MGMT: variants seen among roughly 807,000 people sequenced by gnomAD.
MGMT encodes the protein methylated-DNA--protein-cysteine methyltransferase.
A neutral mutation model predicts 15.9 loss-of-function variants in MGMT; 14 were observed. The ratio of observed to expected loss-of-function variants is 0.88; its 90% CI spans 0.58 to 1.37. The LOEUF is 1.37. MGMT is among the 40% of genes most tolerant of loss of function. The pLI is 0.00. For synonymous variants in MGMT, 130 were observed against 118.2 expected, an observed-to-expected ratio of 1.10 and a Z score of -0.65; for missense variants, 282 against 268.1, an observed-to-expected ratio of 1.05 and a Z score of -0.36.
intron 2 of MGMT, among the ~76,000 whole-genome samples, chr10:129,588,070 T>G (rs896868002): frequency 4.6e-5 from 7 of 152,194 alleles, no homozygotes; most frequent in African/African-American, 1.7e-4. Context: ...GTATTTAGTT[T>G]CAGGCTAATT....
At chr10:129,694,578 T>C (rs985443404) in intron 2 of MGMT, among the ~76,000 whole-genome samples, 1 of 152,184 alleles carries the variant, frequency 6.6e-6, no homozygotes, top group African/African-American at 2.4e-5. Flanking sequence ...AGCTAAAATG[T>C]TTTCTCCCCC....
intron 3 of MGMT, among the ~76,000 whole-genome samples, chr10:129,724,696 A>G (rs908737900): frequency 2.6e-5 from 4 of 152,188 alleles, no homozygotes; most frequent in Non-Finnish European, 4.4e-5. Context: ...GGAGAGATGG[A>G]TAGATATATG....
At chr10:129,601,480 C>T (rs1477147451) in intron 2 of MGMT, among the ~76,000 whole-genome samples, 1 of 152,152 alleles carries the variant, frequency 6.6e-6, no homozygotes, top group Non-Finnish European at 1.5e-5. Flanking sequence ...AGGAGGGTGT[C>T]CAGCCTTCCT....
chr10:129,502,397 T>TA (rs1845583285), intron 1 of MGMT, among the ~76,000 whole-genome samples: 1 of 152,180 alleles, frequency 6.6e-6, no homozygotes, highest in Non-Finnish European at 1.5e-5. Flanking sequence ...GTTGCGTTCC[T>TA]ACCCAGCTAG....
intron 1 of MGMT, among the ~76,000 whole-genome samples, chr10:129,470,171 T>C (rs1845214745): frequency 6.6e-6 from 1 of 152,088 alleles, no homozygotes; most frequent in African/African-American, 2.4e-5. Flanking sequence ...AGGATTTATA[T>C]GGGAGGGAGG....
intron 3 of MGMT, among the ~76,000 whole-genome samples, chr10:129,729,729 G>C (rs1344457135): frequency 6.6e-6 from 1 of 152,212 alleles, no homozygotes; most frequent in Non-Finnish European, 1.5e-5. Context: ...CCGTGGTAAA[G>C]AATAATTCAT....
chr10:129,681,621 G>A (rs374538440), intron 2 of MGMT, among the ~76,000 whole-genome samples: 4 of 152,194 alleles, frequency 2.6e-5, no homozygotes, highest in East Asian at 1.9e-4. Flanking sequence ...TGAACTCTGT[G>A]GGTCCACTTA....
intron 2 of MGMT, among the ~76,000 whole-genome samples, chr10:129,605,795 C>T (rs922440033): frequency 4.6e-5 from 7 of 152,006 alleles, no homozygotes; most frequent in Admixed American, 2.0e-4. Flanking sequence ...CGGGTTAATT[C>T]GGAATGTGTT....
intron 3 of MGMT, among the ~76,000 whole-genome samples, chr10:129,728,331 G>A (rs1015623252): frequency 2.0e-5 from 3 of 152,096 alleles, no homozygotes; most frequent in Non-Finnish European, 4.4e-5. Context: ...ACAAGTGGGT[G>A]AGAAAAAGGC....
rs755094789 is a variant in MGMT at position 129,766,838 on chromosome 10, G to A, written c.465G>A (p.Val155=). The A allele has an allele frequency of 3.1e-6, 5 of 1,613,658 alleles. No individual in the cohort carries two copies. In the Admixed American group the frequency reaches 8.3e-5, roughly 27 times the overall value. Residue 155 remains valine, a synonymous_variant, in exon 5 of 5, where the codon GTG becomes GTA. Coordinates refer to ENST00000651593, the MANE Select transcript of MGMT (RefSeq NM_002412.5). ...GAGTGGTCTGCAGCAGCGGAGCCGTGGGCAACTACTCCGGAGGACTGGCCG... is the reference window on the plus strand; with the variant it reads ...GAGTGGTCTGCAGCAGCGGAGCCGTAGGCAACTACTCCGGAGGACTGGCCG... ...CHRVVCSSGA[V]GNYSGGLAVK...
At chr10:129,578,765 A>G (rs1846518393) in intron 2 of MGMT, among the ~76,000 whole-genome samples, 1 of 152,222 alleles carries the variant, frequency 6.6e-6, no homozygotes, top group Non-Finnish European at 1.5e-5. Context: ...TTATTAAGCA[A>G]CTAAAACATT....
At chr10:129,555,862 G>T (rs566622776) in intron 2 of MGMT, among the ~76,000 whole-genome samples, 6 of 152,184 alleles carry the variant, frequency 3.9e-5, no homozygotes, top group Non-Finnish European at 8.8e-5. Context: ...CGGCAACTCC[G>T]TCAGAGTCCT....
intron 1 of MGMT, among the ~76,000 whole-genome samples, chr10:129,521,092 C>G (rs531726584): frequency 6.6e-6 from 1 of 152,306 alleles, no homozygotes; most frequent in South Asian, 2.1e-4. Flanking sequence ...GGGCATGGCC[C>G]TCCTGGAAGC....
intron 2 of MGMT, among the ~76,000 whole-genome samples, chr10:129,540,101 G>A (rs1418194861): frequency 1.3e-5 from 2 of 152,174 alleles, no homozygotes; most frequent in Admixed American, 1.3e-4. Flanking sequence ...TTTCAGCCTG[G>A]AGGCTTTGCT....
intron 1 of MGMT, among the ~76,000 whole-genome samples, chr10:129,498,063 C>T (rs754727990): frequency 6.6e-6 from 1 of 152,166 alleles, no homozygotes; most frequent in South Asian, 2.1e-4. Flanking sequence ...TGGACCCTTT[C>T]GAAGAATACT....
rs373298935 is a variant in MGMT, at chr10:129,488,004, T to TACACACACACAC, written c.-13+20734_-13+20745dup. Reference sequence around the variant, plus strand: ...ATACACACACACACACACATAGGTATACACACACACACACACACACACACA... The same window carrying TACACACACACAC: ...ATACACACACACACACACATAGGTATACACACACACACACACACACACACACACACACACACA... On this transcript the variant is annotated intron_variant, in intron 1 of 4. Transcript: ENST00000651593. 7.2e-3 allele frequency among the ~76,000 whole-genome samples: 875 copies of TACACACACACAC among 121,486 alleles called. 6 individuals are homozygous for TACACACACACAC. The highest frequency in any genetic ancestry group is 0.01 in the Non-Finnish European group (627 of 60,360). The allele number at this position is 121,486 out of a possible 152,430, so 79.7% of individuals were successfully genotyped here.
chr10:129,654,726 A>C (rs1030440179), intron 2 of MGMT, among the ~76,000 whole-genome samples: 3 of 151,932 alleles, frequency 2.0e-5, no homozygotes, highest in Non-Finnish European at 4.4e-5. Context: ...GGTCTCGGGA[A>C]GCTTGTCTGG....
At chr10:129,663,660 C>T (rs950099417) in intron 2 of MGMT, among the ~76,000 whole-genome samples, 1 of 151,968 alleles carries the variant, frequency 6.6e-6, no homozygotes, top group African/African-American at 2.4e-5. Flanking sequence ...AGTATTGATA[C>T]AGAAGTTTTT....
chr10:129,737,468 A>G (rs1848577137), intron 3 of MGMT, among the ~76,000 whole-genome samples: 1 of 152,024 alleles, frequency 6.6e-6, no homozygotes, highest in African/African-American at 2.4e-5. Context: ...AATTTTTTTC[A>G]AAGTTTTCAA....
Sources: gnomAD v4.1 joint callset for allele counts (sites outside exome capture counted in the v4.1 genomes callset) on GRCh38, gnomAD v4.1.1 for gene constraint, MANE v1.5 for transcripts, NCBI Gene and HGNC (gene_info 2026-07-23, HGNC 2026-07-21) for gene names.